LMO7: variants seen among roughly 807,000 people sequenced by gnomAD.
LMO7 encodes LIM domain 7, also known as LIM domain only protein 7.
A neutral mutation model predicts 206.5 loss-of-function variants in LMO7; 120 were observed. The ratio of observed to expected loss-of-function variants is 0.58; its 90% CI spans 0.50 to 0.68. LMO7 has a LOEUF of 0.68. Among genes scored for constraint, LMO7 ranks in the 30% least tolerant of loss-of-function variants. The pLI is 0.00. For synonymous variants in LMO7, 706 were observed against 681.5 expected (o/e 1.04, Z -0.56); for missense variants, 1,959 against 1,957.9 (o/e 1.00, Z -0.01).
At chr13:75,631,020 TTTA>T (rs549382057) in intron 2 of LMO7, among the ~76,000 whole-genome samples, 30 of 151,820 alleles carry the variant, frequency 2.0e-4, no homozygotes, top group East Asian at 7.8e-4. Context: ...CCTTTTACTT[TTTA>T]TTATTATTAT....
intron 4 of LMO7, among the ~76,000 whole-genome samples, chr13:75,791,347 T>C (rs1181225896): frequency 6.6e-6 from 1 of 152,210 alleles, no homozygotes; most frequent in Non-Finnish European, 1.5e-5. Context: ...CAATACAATT[T>C]GAGTTGAAAT....
At chr13:75,643,921 T>C (rs1044456565) in intron 1 of LMO7, among the ~76,000 whole-genome samples, 2 of 152,202 alleles carry the variant, frequency 1.3e-5, no homozygotes, top group Admixed American at 6.5e-5. Context: ...ATTTTTATGT[T>C]GGTATACAGC....
Position 75,835,250 on chromosome 13 carries a change from T to G in LMO7, c.3244T>G (p.Trp1082Gly), listed in dbSNP as rs1312688090. The change falls in exon 18 of 31, where the codon TGG becomes GGG. Residue 1082 changes from tryptophan to glycine, a missense_variant. Trp to Gly is a radical substitution (Grantham distance 184). Coordinates refer to ENST00000377534, the MANE Select transcript of LMO7 (RefSeq NM_001306080.2). ...YGKAGSPETKWIDATSGIYNS... is the reference protein window; with the variant it reads ...YGKAGSPETKGIDATSGIYNS... ...AATTATAGGTTCACCTGAAACAAAG[T>G]GGATTGATGCAACTTCTGGAATTTA... 6 of 1,612,040 alleles carry G rather than the reference T, an allele frequency of 3.7e-6. No homozygotes were observed. The highest frequency in any genetic ancestry group is 5.1e-6 in the Non-Finnish European group (6 of 1,178,896).
chr13:75,636,315 C>A (rs892268824), upstream of LMO7: 4 of 1,099,900 alleles, frequency 3.6e-6, no homozygotes, highest in African/African-American at 1.7e-5. Context: ...GGCGGCGCTG[C>A]GACTTTTGAA....
chr13:75,662,351 CTCTG>C (rs1195956720), intron 1 of LMO7, among the ~76,000 whole-genome samples: 4 of 152,220 alleles, frequency 2.6e-5, no homozygotes, highest in African/African-American at 9.6e-5. Flanking sequence ...CAGAATCTCA[CTCTG>C]TCACCCAGGC....
chr13:75,776,188 T>TAG (rs2050447366), intron 4 of LMO7, among the ~76,000 whole-genome samples: 1 of 86,426 alleles, frequency 1.2e-5, no homozygotes, highest in African/African-American at 4.5e-5. Flanking sequence ...TATATATATA[T>TAG]ATATATATAT....
chr13:75,724,452 GTTA>G (rs2138509286), intron 2 of LMO7, among the ~76,000 whole-genome samples: 1 of 152,226 alleles, frequency 6.6e-6, no homozygotes, highest in African/African-American at 2.4e-5. Flanking sequence ...TATCTGGAAG[GTTA>G]TTATGTTATC....
At chr13:75,739,698 C>A (rs2046262372) in intron 3 of LMO7, among the ~76,000 whole-genome samples, 1 of 152,228 alleles carries the variant, frequency 6.6e-6, no homozygotes, top group Non-Finnish European at 1.5e-5. Context: ...GTGGTGATCA[C>A]TGCTGACACA....
chr13:75,621,172 A>G (rs2138632590), exon 1 of LMO7: 2 of 152,364 alleles, frequency 1.3e-5, no homozygotes, highest in Middle Eastern at 6.8e-3. Context: ...AATCAGCTAT[A>G]GTGAAAGTAG....
chr13:75,663,434 T>TTCTTTCTTTCTTTCTTTCTTTC (rs780935072), intron 1 of LMO7, among the ~76,000 whole-genome samples: 127 of 131,714 alleles, frequency 9.6e-4, no homozygotes, highest in Non-Finnish European at 1.6e-3. Flanking sequence ...CTTTCTTTCT[T>TTCTTTCTTTCTTTCTTTCTTTC]TTTTTTTTTT....
chr13:75,719,678 T>C (rs1261013060), intron 2 of LMO7, among the ~76,000 whole-genome samples: 1 of 152,224 alleles, frequency 6.6e-6, no homozygotes, highest in East Asian at 1.9e-4. Context: ...GTAAATTTCC[T>C]GAGGCCTCCC....
In LMO7 at chr13:75,804,497, T is replaced by A. The variant is rs150972843; in HGVS notation, c.870T>A (p.Ser290Arg). 3 of 1,614,162 alleles carry A rather than the reference T, an allele frequency of 1.9e-6. No homozygotes were observed. The highest frequency in any genetic ancestry group is 2.5e-6 in the Non-Finnish European group (3 of 1,180,002). The change falls in exon 8 of 31, where the codon AGT becomes AGA. Residue 290 changes from serine to arginine, a missense_variant. Physicochemically the swap from Ser to Arg is moderately radical, Grantham distance 110 (BLOSUM62 -1). Transcript: ENST00000377534. ...KPDKHEDNRRSWASPVYTEAD... is the reference protein window; with the variant it reads ...KPDKHEDNRRRWASPVYTEAD... Reference sequence around the variant, plus strand: ...ACAAACATGAGGATAACAGAAGAAGTTGGGCAAGCCCGGTTTATACAGAAG... The same window carrying A: ...ACAAACATGAGGATAACAGAAGAAGATGGGCAAGCCCGGTTTATACAGAAG...
intron 26 of LMO7, among the ~76,000 whole-genome samples, chr13:75,845,605 T>C (rs2059928069): frequency 6.6e-6 from 1 of 152,242 alleles, no homozygotes; most frequent in Admixed American, 6.5e-5. Context: ...TGGTTTTAAA[T>C]TGCTAATGAA....
intron 1 of LMO7, among the ~76,000 whole-genome samples, chr13:75,643,433 T>G (rs2139038108): frequency 6.6e-6 from 1 of 152,350 alleles, no homozygotes; most frequent in South Asian, 2.1e-4. Context: ...ATGTTGTTCC[T>G]GTTCCCCAGA....
At chr13:75,670,770 C>T (rs145373542) in intron 1 of LMO7, among the ~76,000 whole-genome samples, 1 of 152,072 alleles carries the variant, frequency 6.6e-6, no homozygotes, top group African/African-American at 2.4e-5. Flanking sequence ...TGTATACTTA[C>T]ACTATACTAA....
intron 2 of LMO7, chr13:75,627,056 T>C (rs2034290365): frequency 6.6e-6 from 1 of 152,158 alleles, no homozygotes; most frequent in Non-Finnish European, 1.5e-5. Flanking sequence ...TTTCCTCTAA[T>C]GTATGGGTTG....
In LMO7 at chr13:75,636,389, T is replaced by C. The variant is rs552817557; in HGVS notation, c.-269T>C. 1.6e-4 allele frequency: 209 copies of C among 1,299,128 alleles called. 1 individual carries two copies. The African/African-American group carries it at 2.9e-3, about 18-fold the overall frequency. 80.5% of individuals were successfully genotyped at this position (1,299,128 alleles called of 1,614,324 possible). On this transcript the variant is annotated 5_prime_UTR_variant, in exon 1 of 31. Coordinates refer to ENST00000377534, the MANE Select transcript of LMO7 (RefSeq NM_001306080.2). ...CTGGGCACCCGCTTCGCTTCCCGCGTCCTGCCTGACTGCCCGGGTCCCCGC... is the reference window on the plus strand; with the variant it reads ...CTGGGCACCCGCTTCGCTTCCCGCGCCCTGCCTGACTGCCCGGGTCCCCGC...
At chr13:75,810,707 A>G (rs927077848) in intron 11 of LMO7, among the ~76,000 whole-genome samples, 2 of 152,376 alleles carry the variant, frequency 1.3e-5, no homozygotes, top group South Asian at 4.1e-4. Context: ...GCTCTCAGAA[A>G]TAGTTGCTTT....
intron 4 of LMO7, among the ~76,000 whole-genome samples, chr13:75,774,436 G>A (rs2050124422): frequency 6.6e-6 from 1 of 152,062 alleles, no homozygotes. Flanking sequence ...CTGTTCACCA[G>A]TTGATGGACA....
Sources: gnomAD v4.1 joint callset for allele counts (sites outside exome capture counted in the v4.1 genomes callset) on GRCh38, gnomAD v4.1.1 for gene constraint, MANE v1.5 for transcripts, NCBI Gene and HGNC (gene_info 2026-07-23, HGNC 2026-07-21) for gene names.